Variants in BCAS3 observed in about 807,000 individuals in gnomAD.
BCAS3 encodes BCAS3 microtubule associated cell migration factor, also known as BCAS4/BCAS3 fusion.
A neutral mutation model predicts 116.1 loss-of-function variants in BCAS3; 53 were observed. That is an observed-to-expected ratio of 0.46 (90% CI 0.37 to 0.57). BCAS3 has a LOEUF of 0.57. Ranked by LOEUF, BCAS3 falls within the 20% of genes least tolerant of loss-of-function variation. The pLI is 0.00. For synonymous variants in BCAS3, 391 were observed against 408.2 expected (o/e 0.96, Z 0.51); for missense variants, 917 against 1,165.4 (o/e 0.79, Z 3.10).
intron 14 of BCAS3, among the ~76,000 whole-genome samples, chr17:60,952,122 T>C (rs1395535890): frequency 6.6e-6 from 1 of 152,162 alleles, no homozygotes; most frequent in East Asian, 1.9e-4. Flanking sequence ...ATTCATGAGC[T>C]TTAATTAAAA....
chr17:61,011,991 A>G (rs2065143325), intron 15 of BCAS3, among the ~76,000 whole-genome samples: 1 of 152,002 alleles, frequency 6.6e-6, no homozygotes, highest in Non-Finnish European at 1.5e-5. Context: ...TCTACTAGAA[A>G]AGCAAAATAA....
intron 6 of BCAS3, among the ~76,000 whole-genome samples, chr17:60,771,565 A>G (rs900624560): frequency 6.6e-6 from 1 of 151,706 alleles, no homozygotes; most frequent in African/African-American, 2.4e-5. Flanking sequence ...TTTTTTTTTA[A>G]TTATACTTTA....
Position 61,283,887 on chromosome 17 carries a change from C to G in BCAS3, c.2426-84440C>G, listed in dbSNP as rs536035050. Among the ~76,000 whole-genome samples the G allele has an allele frequency of 1.6e-3, 249 of 152,324 alleles. 2 individuals are homozygous for G. The highest frequency in any genetic ancestry group is 3.4e-3 in the Middle Eastern group (1 of 294). On this transcript the variant is annotated intron_variant, in intron 22 of 23. Transcript: ENST00000407086. ...CAAACAGTCCTCCTGCCTCAGCCCC[C>G]CAAGTAGCTGAGACAGCAGGCCACC...
Position 61,352,357 on chromosome 17 carries a change from G to A in BCAS3, c.2426-15970G>A, listed in dbSNP as rs2057899702. On this transcript the variant is annotated intron_variant, in intron 22 of 23. Transcript: ENST00000407086. The surrounding 1 kb of genome is among the most constrained non-coding windows in gnomAD (Gnocchi z 4.7). ...CTTTGCACACACAAACACACCCTGGGCTGACTATAAATCTGCTCCTTGCCT... is the reference window on the plus strand; with the variant it reads ...CTTTGCACACACAAACACACCCTGGACTGACTATAAATCTGCTCCTTGCCT... 6.6e-6 allele frequency among the ~76,000 whole-genome samples: 1 copy of A among 152,218 alleles called. No homozygotes were observed.
At position 61,302,051 on chromosome 17, in the gene BCAS3, G is replaced by A. The variant is rs971269772; in HGVS notation, c.2426-66276G>A. On this transcript the variant is annotated intron_variant, in intron 22 of 23. Transcript: ENST00000407086. This position sits in a 1 kb window ranked among gnomAD's most constrained non-coding sequence, Gnocchi z 4.4. ...CTGCAGAGACCCAGTGGCTTGCTGA[G>A]GAAAGGCTAGTTCTGTCAGCTAGTC... Among the ~76,000 whole-genome samples, 4 of 152,138 alleles carry A rather than the reference G, an allele frequency of 2.6e-5. No homozygotes were observed. Among genetic ancestry groups the A allele is most frequent in the African/African-American group, 9.7e-5 (4 of 41,422 alleles).
rs1051102505 is a variant in BCAS3 at position 60,856,703 on chromosome 17, A to T, written c.477-11873A>T. Reference sequence around the variant, plus strand: ...CAGACTGTCTCCAAAAAAATAAAAAAAAAATTATAGATTCATTTAGATGAA... The same window carrying T: ...CAGACTGTCTCCAAAAAAATAAAAATAAAATTATAGATTCATTTAGATGAA... On this transcript the variant is annotated intron_variant, in intron 7 of 23. Transcript: ENST00000407086. Among the ~76,000 whole-genome samples the T allele has an allele frequency of 2.0e-5, 3 of 152,138 alleles. No homozygotes were observed. In the East Asian group the frequency reaches 5.8e-4, roughly 29 times the overall value.
At chr17:60,740,942 G>A (rs1318088108) in intron 5 of BCAS3, among the ~76,000 whole-genome samples, 1 of 152,148 alleles carries the variant, frequency 6.6e-6, no homozygotes, top group Non-Finnish European at 1.5e-5. Flanking sequence ...GGAGCTCCTG[G>A]AGGTAAAACA....
chr17:61,100,909 T>C (rs1383141798), intron 22 of BCAS3, among the ~76,000 whole-genome samples: 1 of 152,174 alleles, frequency 6.6e-6, no homozygotes, highest in Non-Finnish European at 1.5e-5. Flanking sequence ...GGTTAAGAGA[T>C]TTAAATAACT....
At chr17:61,184,966 A>G (rs543078048) in intron 22 of BCAS3, among the ~76,000 whole-genome samples, 1 of 152,182 alleles carries the variant, frequency 6.6e-6, no homozygotes, top group Non-Finnish European at 1.5e-5. Context: ...AAGAGGGATA[A>G]GGGGACTTTT....
At chr17:60,776,728 A>G (rs1186070991) in intron 6 of BCAS3, among the ~76,000 whole-genome samples, 1 of 151,790 alleles carries the variant, frequency 6.6e-6, no homozygotes, top group East Asian at 1.9e-4. Flanking sequence ...CAAAAAAAAA[A>G]AAAAAAAAAA....
intron 5 of BCAS3, among the ~76,000 whole-genome samples, chr17:60,737,299 C>G (rs1002763253): frequency 2.6e-5 from 4 of 152,076 alleles, no homozygotes; most frequent in Non-Finnish European, 5.9e-5. Flanking sequence ...TTTCAATTAG[C>G]TTGGCTAGAG....
At position 61,034,750 on chromosome 17, in the gene BCAS3, G is replaced by A. The variant is rs2066888140; in HGVS notation, c.1722G>A (p.Arg574=). 1 of 1,612,752 alleles carries A rather than the reference G, an allele frequency of 6.2e-7. No individual in the cohort carries two copies. Among genetic ancestry groups the A allele is most frequent in the Non-Finnish European group, 8.5e-7 (1 of 1,179,310 alleles). Residue 574 remains arginine, a synonymous_variant, in exon 17 of 24, where the codon AGG becomes AGA. Transcript: ENST00000407086. This position sits in a 1 kb window ranked among gnomAD's most constrained non-coding sequence, Gnocchi z 5.0. ...TGGCTGCTATCTTCGGAACATCCAG[G>A]TCATGGTTTGCAAATAATGCAGGTC... ...FCVAAIFGTS[R]SWFANNAGLK...
chr17:60,898,298 G>A (rs1396134759), intron 10 of BCAS3, among the ~76,000 whole-genome samples: 1 of 152,090 alleles, frequency 6.6e-6, no homozygotes, highest in East Asian at 1.9e-4. Context: ...TCTTTACATT[G>A]ATATTTGCAC....
intron 19 of BCAS3, among the ~76,000 whole-genome samples, chr17:61,071,627 T>A (rs947641612): frequency 9.2e-5 from 14 of 152,214 alleles, no homozygotes; most frequent in African/African-American, 3.4e-4. Flanking sequence ...GTTGGGACTG[T>A]TCTAAGGTAT....
At chr17:61,174,403 G>T (rs2144133754) in intron 22 of BCAS3, among the ~76,000 whole-genome samples, 1 of 152,290 alleles carries the variant, frequency 6.6e-6, no homozygotes, top group South Asian at 2.1e-4. Context: ...ACATAATTGA[G>T]ATCATAGGTC....
rs1374732135 is a variant in BCAS3, at chr17:61,220,907, TG to T, written c.2425+136345del. On this transcript the variant is annotated intron_variant, in intron 22 of 23. Coordinates refer to ENST00000407086, the MANE Select transcript of BCAS3 (RefSeq NM_017679.5). This position sits in a 1 kb window ranked among gnomAD's most constrained non-coding sequence, Gnocchi z 4.5. ...CGAGGTCAGGAGATCGAGACCATCC[TG>T]GCCAACACGGTGAAACCCCATCTCT... Among the ~76,000 whole-genome samples, 1 of 152,130 alleles carries T rather than the reference TG, an allele frequency of 6.6e-6. No individual in the cohort carries two copies. The highest frequency in any genetic ancestry group is 2.4e-5 in the African/African-American group (1 of 41,438).
chr17:61,255,816 G>C (rs755760854), intron 22 of BCAS3, among the ~76,000 whole-genome samples: 1 of 152,188 alleles, frequency 6.6e-6, no homozygotes, highest in African/African-American at 2.4e-5. Flanking sequence ...TTGTGGTAAA[G>C]TCCTGGCAGT....
In BCAS3 at chr17:61,255,577, A is replaced by G. The variant is rs140255198; in HGVS notation, c.2426-112750A>G. ...CACATCTTTGCACCCTGTGGAATCAATGTTAGTGCTGAAATCAGAGTAGAC... is the reference window on the plus strand; with the variant it reads ...CACATCTTTGCACCCTGTGGAATCAGTGTTAGTGCTGAAATCAGAGTAGAC... On this transcript the variant is annotated intron_variant, in intron 22 of 23. Coordinates refer to ENST00000407086, the MANE Select transcript of BCAS3 (RefSeq NM_017679.5). Among the ~76,000 whole-genome samples, 951 of 152,330 alleles carry G rather than the reference A, an allele frequency of 6.2e-3. 5 individuals carry two copies. Among genetic ancestry groups the G allele is most frequent in the Middle Eastern group, 0.01 (3 of 294 alleles).
chr17:60,814,498 C>T (rs2049186282), intron 7 of BCAS3, among the ~76,000 whole-genome samples: 2 of 151,864 alleles, frequency 1.3e-5, no homozygotes, highest in African/African-American at 2.4e-5. Context: ...AATCATATTG[C>T]CAGTGAAGAG....
Sources: gnomAD v4.1 joint callset for allele counts (sites outside exome capture counted in the v4.1 genomes callset) on GRCh38, gnomAD v4.1.1 for gene constraint, Gnocchi (gnomAD v3.1) non-coding constraint, MANE v1.5 for transcripts, NCBI Gene and HGNC (gene_info 2026-07-23, HGNC 2026-07-21) for gene names.